MRTFA: variants seen among roughly 807,000 people sequenced by gnomAD.
MRTFA encodes myocardin related transcription factor A.
In MRTFA, 20 loss-of-function variants were observed where a neutral mutation model predicts 83.5. That is an observed-to-expected ratio of 0.24 (90% CI 0.17 to 0.35). The LOEUF is 0.35. MRTFA is among the 10% of genes least tolerant of loss of function. The pLI is 1.00. For synonymous variants in MRTFA, 659 were observed against 541.2 expected, an observed-to-expected ratio of 1.22 and a Z score of -3.02; for missense variants, 1,200 against 1,224.7, an observed-to-expected ratio of 0.98 and a Z score of 0.30.
At chr22:40,620,199 C>A (rs1042601044) in intron 1 of MRTFA, among the ~76,000 whole-genome samples, 2 of 150,814 alleles carry the variant, frequency 1.3e-5, no homozygotes, top group African/African-American at 2.4e-5. Flanking sequence ...GATCTCAGCT[C>A]ACCACAACCT....
At chr22:40,473,132 G>A (rs2053942752) in intron 3 of MRTFA, among the ~76,000 whole-genome samples, 2 of 152,014 alleles carry the variant, frequency 1.3e-5, no homozygotes, top group Non-Finnish European at 2.9e-5. Context: ...TTTATATACA[G>A]TGTAGTACAT....
chr22:40,420,175 GGAAC>G (rs1011255628), intron 11 of MRTFA, among the ~76,000 whole-genome samples: 5 of 152,334 alleles, frequency 3.3e-5, no homozygotes, highest in African/African-American at 1.2e-4. Context: ...GCCAACAACA[GGAAC>G]CACCACGAGG....
chr22:40,625,126 A>G (rs1413326664), intron 1 of MRTFA, among the ~76,000 whole-genome samples: 1 of 152,150 alleles, frequency 6.6e-6, no homozygotes, highest in Non-Finnish European at 1.5e-5. Context: ...TAACCCCCCA[A>G]AAAAACATCT....
At chr22:40,604,690 T>C (rs1412263258) in intron 1 of MRTFA, among the ~76,000 whole-genome samples, 1 of 151,862 alleles carries the variant, frequency 6.6e-6, no homozygotes, top group Non-Finnish European at 1.5e-5. Flanking sequence ...GAGGTTGCAG[T>C]GAGCCAAGAT....
intron 4 of MRTFA, among the ~76,000 whole-genome samples, chr22:40,456,308 C>T (rs2053585702): frequency 6.6e-6 from 1 of 151,580 alleles, no homozygotes; most frequent in Non-Finnish European, 1.5e-5. Flanking sequence ...GAAACTGAAA[C>T]TTCTGTAAAA....
rs574802401 is a variant in MRTFA, at chr22:40,431,647, G to A, written c.364-167C>T. On this transcript the variant is annotated intron_variant, in intron 5 of 14. Coordinates refer to ENST00000355630, the MANE Select transcript of MRTFA (RefSeq NM_020831.6). ...TCGGAGGCAAGAGTAGGCCTGGGGA[G>A]AGCACACCAAAATCCAACTGCACCT... 4.6e-5 allele frequency among the ~76,000 whole-genome samples: 7 copies of A among 152,134 alleles called. No homozygotes were observed. The East Asian group carries it at 1.2e-3, about 25-fold the overall frequency.
At chr22:40,522,226 G>C (rs879910299) in intron 3 of MRTFA, 2 of 152,074 alleles carry the variant, frequency 1.3e-5, no homozygotes, top group Non-Finnish European at 2.9e-5. Context: ...ACCAGAGTTA[G>C]AAAAATAATT....
chr22:40,492,332 CAGA>C (rs1383302802), intron 3 of MRTFA, among the ~76,000 whole-genome samples: 1 of 152,084 alleles, frequency 6.6e-6, no homozygotes. Context: ...GCAGTGACAG[CAGA>C]AGGTCAGAAT....
At chr22:40,462,567 T>C (rs911147040) in intron 4 of MRTFA, among the ~76,000 whole-genome samples, 1 of 152,194 alleles carries the variant, frequency 6.6e-6, no homozygotes, top group Non-Finnish European at 1.5e-5. Context: ...CCTCACCAGC[T>C]CCAGTTTCAG....
At chr22:40,448,367 G>A (rs1295077348) in intron 4 of MRTFA, among the ~76,000 whole-genome samples, 4 of 151,698 alleles carry the variant, frequency 2.6e-5, no homozygotes, top group African/African-American at 4.8e-5. Flanking sequence ...CCAGCTACTC[G>A]GGAGGCTGAG....
chr22:40,635,562 C>G (rs571382131), intron 1 of MRTFA, among the ~76,000 whole-genome samples: 17 of 152,252 alleles, frequency 1.1e-4, no homozygotes, highest in African/African-American at 3.9e-4. Flanking sequence ...GCAAGTTAAC[C>G]ATTCAACTGC....
intron 4 of MRTFA, among the ~76,000 whole-genome samples, chr22:40,441,326 A>G (rs1402085012): frequency 6.6e-6 from 1 of 152,052 alleles, no homozygotes; most frequent in Non-Finnish European, 1.5e-5. Flanking sequence ...CTAGATGTGG[A>G]CCCCGCCCCT....
chr22:40,582,575 AT>A (rs2055963147), intron 2 of MRTFA, among the ~76,000 whole-genome samples: 1 of 151,890 alleles, frequency 6.6e-6, no homozygotes, highest in South Asian at 2.1e-4. Flanking sequence ...AAATTCATCA[AT>A]TTGCTCTTAT....
chr22:40,438,681 A>G (rs928299765), intron 4 of MRTFA, among the ~76,000 whole-genome samples: 7 of 152,320 alleles, frequency 4.6e-5, no homozygotes, highest in South Asian at 2.1e-4. Context: ...CCATATTCAC[A>G]TAACTTTTAT....
intron 5 of MRTFA, 130 bp downstream of exon 5, chr22:40,435,369 C>CT: frequency 1.0e-6 from 1 of 953,566 alleles, no homozygotes; most frequent in Non-Finnish European, 1.7e-6. Context: ...AAGGCCAGGG[C>CT]TGGCCCTAGA....
chr22:40,492,916 A>G (rs2054293617), intron 3 of MRTFA, among the ~76,000 whole-genome samples: 1 of 152,244 alleles, frequency 6.6e-6, no homozygotes, highest in Non-Finnish European at 1.5e-5. Context: ...AATATTTAAA[A>G]GAAGATACAG....
At chr22:40,591,096 C>T (rs1400460855) in intron 2 of MRTFA, among the ~76,000 whole-genome samples, 2 of 152,040 alleles carry the variant, frequency 1.3e-5, no homozygotes, top group African/African-American at 4.8e-5. Flanking sequence ...GATCGCGCCA[C>T]TGCACTCCAG....
Position 40,610,379 on chromosome 22 carries a change from A to G in MRTFA, c.-83-15644T>C, listed in dbSNP as rs558963808. On this transcript the variant is annotated intron_variant, in intron 1 of 14. Transcript: ENST00000355630. ...TTCCTCATTCTTATATTCCTGTTAA[A>G]TTTCTCTCAGTTCCTCTGATGTCTC... Among the ~76,000 whole-genome samples, 5 of 152,048 alleles carry G rather than the reference A, an allele frequency of 3.3e-5. 1 individual carries two copies. The South Asian group carries it at 1.0e-3, about 32-fold the overall frequency.
At chr22:40,423,762 G>C (rs1200509000) in intron 8 of MRTFA, 77 bp from the exon 9 acceptor site, 2 of 1,343,684 alleles carry the variant, frequency 1.5e-6, no homozygotes, top group African/African-American at 3.0e-5. Flanking sequence ...CCCTACACAG[G>C]GTCCTCAGAC....
Sources: allele counts gnomAD v4.1 joint callset (sites outside exome capture counted in the v4.1 genomes callset), GRCh38; gene constraint gnomAD v4.1.1; transcripts MANE v1.5; gene names NCBI Gene and HGNC (gene_info 2026-07-23, HGNC 2026-07-21).